Variants in BLTP1 observed in about 807,000 individuals in gnomAD.
BLTP1 encodes the protein fragile site-associated protein.
chr4:122,244,401 C>G, the BLTP1 span, among the ~76,000 whole-genome samples: 1 of 152,006 alleles, frequency 6.6e-6, no homozygotes, highest in Non-Finnish European at 1.5e-5. Context: ...GGTTCTGCAT[C>G]CCACAAATAC....
chr4:122,314,262 A>C, the BLTP1 span: 703 of 328,502 alleles, frequency 2.1e-3, 2 homozygotes, highest in African/African-American at 0.014. Flanking sequence ...AGATTTGTCC[A>C]ATTTAGCTAG....
At chr4:122,352,950 G>A in the BLTP1 span, 1 of 1,613,908 alleles carries the variant, frequency 6.2e-7, no homozygotes, top group Non-Finnish European at 8.5e-7. Context: ...TATTGAAGGT[G>A]GTATCAGGAT....
At chr4:122,204,102 T>C in the BLTP1 span, among the ~76,000 whole-genome samples, 1 of 152,012 alleles carries the variant, frequency 6.6e-6, no homozygotes, top group Non-Finnish European at 1.5e-5. Context: ...TGCCCTCACT[T>C]ATGGGCATTT....
chr4:122,246,895 A>G, the BLTP1 span: 4 of 1,528,090 alleles, frequency 2.6e-6, no homozygotes, highest in Admixed American at 2.1e-5. Flanking sequence ...TTAAAAATAC[A>G]TTTCTAAGAA....
chr4:122,187,374 A>G, the BLTP1 span: 4,500 of 1,599,512 alleles, frequency 2.8e-3, 9 homozygotes, highest in Non-Finnish European at 3.4e-3. Flanking sequence ...GAAGTGAACT[A>G]TGTCCTCAGG....
chr4:122,264,096 T>C, the BLTP1 span: 11 of 933,800 alleles, frequency 1.2e-5, no homozygotes, highest in Non-Finnish European at 1.3e-5. Flanking sequence ...GTCTGTAAAA[T>C]AACCTAAAAG....
At chr4:122,249,695 T>C in the BLTP1 span, 29 of 1,613,178 alleles carry the variant, frequency 1.8e-5, no homozygotes, top group Non-Finnish European at 2.4e-5. Flanking sequence ...AAGCATTTTT[T>C]ATTGAATTCT....
the BLTP1 span, chr4:122,246,797 G>A: frequency 1.9e-6 from 3 of 1,612,732 alleles, no homozygotes; most frequent in Non-Finnish European, 2.5e-6. Flanking sequence ...TGCTACACAG[G>A]TTCGCATGAA....
At chr4:122,360,634 A>C in the BLTP1 span, among the ~76,000 whole-genome samples, 21 of 152,310 alleles carry the variant, frequency 1.4e-4, no homozygotes, top group African/African-American at 5.1e-4. Context: ...ATAGGCAGAA[A>C]GTACTGACTT....
At chr4:122,325,696 TAGAA>T in the BLTP1 span, 100 of 933,730 alleles carry the variant, frequency 1.1e-4, no homozygotes, top group Middle Eastern at 3.5e-4. Flanking sequence ...TAGCAGAAAT[TAGAA>T]GGAAGAAGAT....
chr4:122,171,886 T>G, the BLTP1 span: 1 of 985,270 alleles, frequency 1.0e-6, no homozygotes, highest in Non-Finnish European at 1.2e-6. Context: ...CGTGATATAA[T>G]GAAAAGACTA....
chr4:122,291,339 A>G, the BLTP1 span, among the ~76,000 whole-genome samples: 3 of 152,250 alleles, frequency 2.0e-5, no homozygotes, highest in Non-Finnish European at 4.4e-5. Context: ...GTCAAGACCA[A>G]GGAACATAAC....
chr4:122,205,324 C>G, the BLTP1 span, among the ~76,000 whole-genome samples: 4 of 151,738 alleles, frequency 2.6e-5, no homozygotes, highest in Non-Finnish European at 4.4e-5. Context: ...TTACATAAAT[C>G]GTCTGAATTC....
At chr4:122,346,112 C>A in the BLTP1 span, 1 of 528,082 alleles carries the variant, frequency 1.9e-6, no homozygotes, top group Non-Finnish European at 2.4e-6. Flanking sequence ...CCTATAGAAA[C>A]TATGGTAGAA....
At chr4:122,338,807 G>A in the BLTP1 span, among the ~76,000 whole-genome samples, 1 of 152,070 alleles carries the variant, frequency 6.6e-6, no homozygotes, top group Non-Finnish European at 1.5e-5. Flanking sequence ...TCAAACCTGT[G>A]GTGTTCAAGG....
At chr4:122,231,691 C>T in the BLTP1 span, 1 of 968,680 alleles carries the variant, frequency 1.0e-6, no homozygotes, top group East Asian at 1.1e-4. Context: ...TTCTTGTTAA[C>T]ATATAAAACT....
the BLTP1 span, chr4:122,254,612 T>G: frequency 1.1e-6 from 1 of 880,786 alleles, no homozygotes; most frequent in Non-Finnish European, 1.3e-6. Flanking sequence ...ACAGGCTTTT[T>G]TTTTTCTTTC....
chr4:122,274,218 A>C, the BLTP1 span: 5 of 672,928 alleles, frequency 7.4e-6, no homozygotes, highest in Non-Finnish European at 1.2e-5. Context: ...TAGTTGAACA[A>C]AATTTACCAT....
chr4:122,346,367 C>G, the BLTP1 span: 13 of 697,512 alleles, frequency 1.9e-5, no homozygotes, highest in Admixed American at 8.2e-4. Context: ...GGCTATCAGA[C>G]TGATCTTTAG....
Sources: gnomAD v4.1 joint callset for allele counts (sites outside exome capture counted in the v4.1 genomes callset) on GRCh38, gnomAD v4.1.1 for gene constraint, MANE v1.5 for transcripts, NCBI Gene and HGNC (gene_info 2026-07-23, HGNC 2026-07-21) for gene names.